Variants in NAALADL2 observed in about 807,000 individuals in gnomAD.
The protein encoded by NAALADL2 is inactive N-acetylated-alpha-linked acidic dipeptidase-like protein 2.
A neutral mutation model predicts 87.2 loss-of-function variants in NAALADL2; 76 were observed. The observed-to-expected ratio is 0.87, with a 90% confidence interval of 0.72 to 1.05. NAALADL2 has a LOEUF of 1.05. Ranked by LOEUF, NAALADL2 falls within the 50% of genes least tolerant of loss-of-function variation. The probability of loss-of-function intolerance (pLI) is 0.00; values close to 1 mark genes in which losing one functional copy is unlikely to be tolerated. For synonymous variants in NAALADL2, 354 were observed against 331.0 expected (o/e 1.07, Z -0.75); for missense variants, 1,089 against 945.8 (o/e 1.15, Z -1.99).
At chr3:175,361,963 A>G (rs1293983463) in intron 5 of NAALADL2, among the ~76,000 whole-genome samples, 1 of 147,776 alleles carries the variant, frequency 6.8e-6, no homozygotes, top group East Asian at 2.0e-4. Context: ...CCTGAATGGT[A>G]TTGCCTAGGT....
At chr3:174,798,063 C>T (rs2109235909) in intron 3 of NAALADL2, among the ~76,000 whole-genome samples, 1 of 152,224 alleles carries the variant, frequency 6.6e-6, no homozygotes, top group South Asian at 2.1e-4. Flanking sequence ...CAACTGTGTT[C>T]TCTAACATGC....
At chr3:174,663,472 GCTT>G (rs1189306999) in intron 2 of NAALADL2, among the ~76,000 whole-genome samples, 4 of 152,118 alleles carry the variant, frequency 2.6e-5, no homozygotes, top group African/African-American at 9.7e-5. Flanking sequence ...GACTCAGACA[GCTT>G]CTAGTCATGG....
chr3:174,953,126 G>A (rs1007734833), intron 1 of NAALADL2, among the ~76,000 whole-genome samples: 5 of 151,866 alleles, frequency 3.3e-5, no homozygotes, highest in Non-Finnish European at 7.4e-5. Flanking sequence ...GACACAGGAA[G>A]GTCTAGAAAT....
intron 1 of NAALADL2, among the ~76,000 whole-genome samples, chr3:174,861,854 C>A (rs1232616548): frequency 5.9e-5 from 9 of 152,074 alleles, no homozygotes; most frequent in Non-Finnish European, 1.3e-4. Context: ...TAGTGGAGCC[C>A]ATATGCCATT....
At chr3:174,881,825 A>G (rs1214304559) in intron 1 of NAALADL2, among the ~76,000 whole-genome samples, 2 of 152,162 alleles carry the variant, frequency 1.3e-5, no homozygotes, top group Non-Finnish European at 2.9e-5. Flanking sequence ...TGTGCAGAGA[A>G]CAAGAGAGAA....
intron 1 of NAALADL2, among the ~76,000 whole-genome samples, chr3:174,454,008 T>C (rs9878274): frequency 0.5 from 75,208 of 151,840 alleles, 20,845 homozygotes; most frequent in East Asian, 0.92. Context: ...TCGGAAGACC[T>C]ATCTCAAATG....
chr3:175,810,396 G>A lies in NAALADL2; in HGVS notation c.*7193G>A, dbSNP rs896846617. 4 of 151,940 alleles carry A rather than the reference G, an allele frequency of 2.6e-5. No individual in the cohort carries two copies. The highest frequency in any genetic ancestry group is 7.2e-5 in the African/African-American group (3 of 41,418). The allele number at this position is 151,940 out of a possible 1,614,324, so 9.4% of individuals were successfully genotyped here. Reference sequence around the variant, plus strand: ...TAAGTGAATATTTTATATTTAAGTTGTTTAAATATTTGCACATTATTGAAA... The same window carrying A: ...TAAGTGAATATTTTATATTTAAGTTATTTAAATATTTGCACATTATTGAAA... On this transcript the variant is annotated 3_prime_UTR_variant, in exon 14 of 14. Transcript: ENST00000454872.
intron 11 of NAALADL2, among the ~76,000 whole-genome samples, chr3:175,662,375 T>C (rs1732380148): frequency 6.6e-6 from 1 of 151,954 alleles, no homozygotes; most frequent in Non-Finnish European, 1.5e-5. Context: ...TTATCAGTTC[T>C]CAGAATTCTT....
intron 2 of NAALADL2, among the ~76,000 whole-genome samples, chr3:175,134,053 C>T (rs1044836725): frequency 6.6e-6 from 1 of 152,152 alleles, no homozygotes; most frequent in African/African-American, 2.4e-5. Context: ...GTTGTATACA[C>T]AATTAAGTTT....
In NAALADL2 at chr3:174,956,321, G is replaced by A. The variant is rs138177077; in HGVS notation, c.43+96871G>A. 2.0e-4 allele frequency among the ~76,000 whole-genome samples: 30 copies of A among 152,122 alleles called. 1 individual carries two copies. Among genetic ancestry groups the A allele is most frequent in the African/African-American group, 7.0e-4 (29 of 41,534 alleles). On this transcript the variant is annotated intron_variant, in intron 1 of 13. Transcript: ENST00000454872. ...CATAATAGGTGATGTTGACAATTTG[G>A]TTTTTATTTGGCAGAATGATGTCTA... is the stretch of plus-strand genomic sequence containing the variant.
chr3:175,289,172 C>T (rs1581268122), intron 4 of NAALADL2, among the ~76,000 whole-genome samples: 2 of 151,866 alleles, frequency 1.3e-5, no homozygotes, highest in Admixed American at 6.6e-5. Context: ...TGTCTTTCTT[C>T]GTAAGTATCA....
chr3:175,553,632 T>G (rs974673568), intron 9 of NAALADL2, among the ~76,000 whole-genome samples: 1 of 127,368 alleles, frequency 7.9e-6, no homozygotes, highest in Non-Finnish European at 1.6e-5. Context: ...CTGAAAATGA[T>G]TCATTTTGGG....
chr3:175,624,470 C>A (rs1726699635), intron 10 of NAALADL2, among the ~76,000 whole-genome samples: 1 of 152,008 alleles, frequency 6.6e-6, no homozygotes, highest in Non-Finnish European at 1.5e-5. Context: ...TATTTACCTT[C>A]AAAATATTAA....
At chr3:174,834,728 A>C (rs1284724512) in intron 3 of NAALADL2, among the ~76,000 whole-genome samples, 2 of 151,926 alleles carry the variant, frequency 1.3e-5, no homozygotes, top group East Asian at 1.9e-4. Flanking sequence ...CTTTAAGACA[A>C]ATTTAAGAAA....
intron 5 of NAALADL2, among the ~76,000 whole-genome samples, chr3:175,330,759 G>C (rs1416496891): frequency 6.6e-6 from 1 of 151,852 alleles, no homozygotes; most frequent in African/African-American, 2.4e-5. Flanking sequence ...AGAAAAGCAA[G>C]AATAAGCCAA....
chr3:175,238,123 C>A (rs1484472324), intron 3 of NAALADL2, among the ~76,000 whole-genome samples: 2 of 151,896 alleles, frequency 1.3e-5, no homozygotes, highest in African/African-American at 2.4e-5. Flanking sequence ...TTTATCTTAA[C>A]AGTTTTAAGT....
chr3:174,695,694 T>C (rs1560150901), intron 2 of NAALADL2, among the ~76,000 whole-genome samples: 1 of 152,042 alleles, frequency 6.6e-6, no homozygotes, highest in Non-Finnish European at 1.5e-5. Flanking sequence ...TGTCTAAACC[T>C]AAGGCATCTT....
intron 2 of NAALADL2, among the ~76,000 whole-genome samples, chr3:174,667,866 A>G (rs1244647537): frequency 6.6e-6 from 1 of 152,140 alleles, no homozygotes; most frequent in Non-Finnish European, 1.5e-5. Flanking sequence ...TTTAAAAAAT[A>G]GTAATTCATT....
chr3:175,512,020 C>A (rs151159158), intron 9 of NAALADL2, among the ~76,000 whole-genome samples: 1 of 152,050 alleles, frequency 6.6e-6, no homozygotes, highest in African/African-American at 2.4e-5. Flanking sequence ...GGTAGAGGAT[C>A]GCTTTGAGCC....
Sources: allele counts gnomAD v4.1 joint callset (sites outside exome capture counted in the v4.1 genomes callset), GRCh38; gene constraint gnomAD v4.1.1; transcripts MANE v1.5; gene names NCBI Gene and HGNC (gene_info 2026-07-23, HGNC 2026-07-21).